The following ZNF302 variants were observed in gnomAD, a reference collection of about 807,000 sequenced individuals.
ZNF302 encodes the protein zinc finger protein 302.
A neutral mutation model predicts 10.8 loss-of-function variants in ZNF302; 12 were observed. That is an observed-to-expected ratio of 1.11 (90% CI 0.71 to 1.79). The LOEUF (loss-of-function observed/expected upper bound fraction) is 1.79, where lower values mean the gene tolerates loss of function less well. Among genes scored for constraint, ZNF302 ranks in the 40% most tolerant of loss-of-function variants. The probability of loss-of-function intolerance (pLI) is 0.00; values close to 1 mark genes in which losing one functional copy is unlikely to be tolerated. For missense variants in ZNF302, 461 were observed against 471.1 expected (o/e 0.98, Z 0.20); for synonymous variants, 178 against 157.5 (o/e 1.13, Z -0.98).
chr19:34,683,909 G>T (rs1239205516), intron 4 of ZNF302: 2 of 1,146,694 alleles, frequency 1.7e-6, no homozygotes, highest in African/African-American at 1.6e-5. Context: ...GGCACAAAAT[G>T]ATGATTTGTA....
chr19:34,684,259 A>G lies in ZNF302; in HGVS notation c.222A>G (p.Glu74=), dbSNP rs184739104. ...TTTCTTGATATATTTCAGATTGGGA[A>G]TCAAGATGGGAAAACAAGGAATTAT... is the stretch of plus-strand genomic sequence containing the variant. ...MMEKKLSKDW[E]SRWENKELST... is the part of the protein sequence containing the mutation. The change falls in exon 5 of 5, where the codon GAA becomes GAG. Residue 74 remains glutamate (E), a synonymous_variant. Transcript: ENST00000505242. The G allele has an allele frequency of 3.9e-6, 6 of 1,558,414 alleles. No homozygotes were observed. The highest frequency in any genetic ancestry group is 5.2e-6 in the Non-Finnish European group (6 of 1,160,602).
chr19:34,676,695 C>CT (rs2067963363), upstream of ZNF302: 1 of 152,176 alleles, frequency 6.6e-6, no homozygotes, highest in African/African-American at 2.4e-5. Flanking sequence ...AGAAGCACTG[C>CT]TTCACGAAGA....
Position 34,684,368 on chromosome 19 carries a change from A to T in ZNF302, c.331A>T (p.Asn111Tyr). ...KVVKQSYEFS[N>Y]SNKNLEYTEC... ...TGTAAAACAAAGTTATGAATTTTCAAATTCTAATAAGAATTTGGAATATAC... is the reference window on the plus strand; with the variant it reads ...TGTAAAACAAAGTTATGAATTTTCATATTCTAATAAGAATTTGGAATATAC... Residue 111 changes from asparagine (N) to tyrosine (Y), a missense_variant, in exon 5 of 5, where the codon AAT (asparagine) becomes TAT (tyrosine). By Grantham distance (143) the Asn-to-Tyr change is moderately radical (BLOSUM62 -2). Coordinates refer to ENST00000505242, the MANE Select transcript of ZNF302 (RefSeq NM_001289187.2). 3.1e-6 allele frequency: 5 copies of T among 1,602,202 alleles called. No individual in the cohort carries two copies. Among genetic ancestry groups the T allele is most frequent in the Non-Finnish European group, 4.3e-6 (5 of 1,176,422 alleles).
Position 34,678,431 on chromosome 19 carries a change from CA to C in ZNF302, c.-68-287del, listed in dbSNP as rs11441977. Among the ~76,000 whole-genome samples the C allele has an allele frequency of 1.2e-3, 141 of 115,226 alleles. 1 individual carries two copies. Among genetic ancestry groups the C allele is most frequent in the African/African-American group, 3.5e-3 (103 of 29,746 alleles). The allele number at this position is 115,226 out of a possible 152,430, so 75.6% of individuals were successfully genotyped here. On this transcript the variant is annotated intron_variant, in intron 1 of 4. Coordinates refer to ENST00000505242, the MANE Select transcript of ZNF302 (RefSeq NM_001289187.2). ...CTGGAGACAGAACGAGACTCCGTCT[CA>C]AAAAAAAAAAAAAAAAAATCTGGAA...
intron 2 of ZNF302, chr19:34,681,950 G>T (rs1308248024): frequency 6.6e-6 from 1 of 152,170 alleles, no homozygotes; most frequent in East Asian, 1.9e-4. Flanking sequence ...CATTTGTGCT[G>T]CTGTAACAAA....
intron 2 of ZNF302, among the ~76,000 whole-genome samples, chr19:34,680,824 C>G (rs776666641): frequency 1.1e-4 from 17 of 152,202 alleles, no homozygotes; most frequent in Admixed American, 7.8e-4. Context: ...ACTGTCAAAT[C>G]TTACTTGAGG....
In ZNF302 at chr19:34,685,081, A is replaced by C. The variant is rs780150701; in HGVS notation, c.1044A>C (p.Lys348Asn). 5 of 1,612,930 alleles carry C rather than the reference A, an allele frequency of 3.1e-6. No homozygotes were observed. In the African/African-American group the frequency reaches 6.7e-5, roughly 22 times the overall value. Reference protein sequence around the residue: ...EKPYECRECGKAFCCSSHLTQ... With the variant: ...EKPYECRECGNAFCCSSHLTQ... ...CTTATGAATGTAGAGAATGTGGGAAAGCTTTCTGCTGTAGCTCACACCTTA... is the reference window on the plus strand; with the variant it reads ...CTTATGAATGTAGAGAATGTGGGAACGCTTTCTGCTGTAGCTCACACCTTA... Residue 348 changes from lysine (K) to asparagine (N), a missense_variant, in exon 5 of 5, where the codon AAA (lysine) becomes AAC (asparagine). Transcript: ENST00000505242.
intron 2 of ZNF302, among the ~76,000 whole-genome samples, chr19:34,679,603 CCTT>C (rs1377916555): frequency 5.3e-5 from 8 of 152,304 alleles, no homozygotes; most frequent in African/African-American, 1.9e-4. Context: ...ATCCTTATCT[CCTT>C]CTGTGTTTGT....
In ZNF302 at chr19:34,684,708, C is replaced by G. The variant is rs774643964; in HGVS notation, c.671C>G (p.Thr224Arg). Residue 224 changes from threonine to arginine, a missense_variant, in exon 5 of 5, where the codon ACA becomes AGA. Physicochemically the swap from Thr to Arg is moderately conservative, Grantham distance 71. Transcript: ENST00000505242. ...SILSRHWRIH[T>R]GEKPYECREC... is the part of the protein sequence containing the mutation. ...CTCAGTCGCCACTGGAGAATTCATACAGGAGAGAAGCCCTATGAATGTCGT... is the reference window on the plus strand; with the variant it reads ...CTCAGTCGCCACTGGAGAATTCATAGAGGAGAGAAGCCCTATGAATGTCGT... The G allele has an allele frequency of 1.5e-5, 24 of 1,613,884 alleles. No homozygotes were observed. Among genetic ancestry groups the G allele is most frequent in the Non-Finnish European group, 1.9e-5 (23 of 1,179,946 alleles).
upstream of ZNF302, chr19:34,675,997 C>G (rs909921333): frequency 1.3e-5 from 2 of 152,198 alleles, no homozygotes; most frequent in Non-Finnish European, 2.9e-5. Flanking sequence ...AGCAAAAGAA[C>G]AAACATCCCA....
rs2068612901 is a variant in ZNF302, at chr19:34,685,479, A to G, written c.*242A>G. On this transcript the variant is annotated 3_prime_UTR_variant, in exon 5 of 5. Transcript: ENST00000505242. Reference sequence around the variant, plus strand: ...AGAATTCATACTGGAGAAAAGCCATATAAATGTAGTGAGTGTGGGAAAGCT... The same window carrying G: ...AGAATTCATACTGGAGAAAAGCCATGTAAATGTAGTGAGTGTGGGAAAGCT... The G allele has an allele frequency of 9.4e-6, 15 of 1,589,228 alleles. No homozygotes were observed. The highest frequency in any genetic ancestry group is 6.9e-6 in the Non-Finnish European group (8 of 1,158,042).
In ZNF302 at chr19:34,683,230, T is replaced by A; in HGVS notation, c.206T>A (p.Leu69Gln). ...GAGCCCTGGATGATGGAGAAAAAAC[T>A]GTCAAAAGGTATGATTCCACATGAG... The part of the protein sequence containing the change: ...GKEPWMMEKK[L>Q]SKDWESRWEN... Residue 69 changes from leucine to glutamine, a missense_variant, in exon 4 of 5, where the codon CTG becomes CAG. Physicochemically the swap from Leu to Gln is moderately radical, Grantham distance 113. Transcript: ENST00000505242. 1 of 1,614,054 alleles carries A rather than the reference T, an allele frequency of 6.2e-7. No homozygotes were observed. The highest frequency in any genetic ancestry group is 8.5e-7 in the Non-Finnish European group (1 of 1,179,926).
rs2068580169 is a variant in ZNF302 at position 34,684,918 on chromosome 19, T to C, written c.881T>C (p.Phe294Ser). The C allele has an allele frequency of 6.2e-7, 1 of 1,613,982 alleles. No individual in the cohort carries two copies. Residue 294 changes from phenylalanine (F) to serine (S), a missense_variant, in exon 5 of 5, where the codon TTT becomes TCT. Physicochemically the swap from Phe to Ser is radical, Grantham distance 155 (BLOSUM62 -2). Transcript: ENST00000505242. ...GAATGTATGAACTGTGGAAAGTCTT[T>C]TAGTCGTGTGTCCCTTCTCATTCAG... is the stretch of plus-strand genomic sequence containing the variant. Reference protein sequence around the residue: ...PYECMNCGKSFSRVSLLIQHL... With the variant: ...PYECMNCGKSSSRVSLLIQHL...
intron 2 of ZNF302, chr19:34,682,488 T>A (rs974876916): frequency 3.7e-6 from 1 of 269,166 alleles, no homozygotes; most frequent in African/African-American, 2.3e-5. Flanking sequence ...TGTTGATTTT[T>A]AAAAATTCAT....
chr19:34,684,930 C>G lies in ZNF302; in HGVS notation c.893C>G (p.Ser298Cys). Residue 298 changes from serine to cysteine, a missense_variant, in exon 5 of 5, where the codon TCC becomes TGC. Ser to Cys is a moderately radical substitution (Grantham distance 112). Transcript: ENST00000505242. Reference protein sequence around the residue: ...MNCGKSFSRVSLLIQHLRIHT... With the variant: ...MNCGKSFSRVCLLIQHLRIHT... ...TGTGGAAAGTCTTTTAGTCGTGTGT[C>G]CCTTCTCATTCAGCATCTAAGAATT... The G allele has an allele frequency of 6.2e-7, 1 of 1,613,952 alleles. No homozygotes were observed. The highest frequency in any genetic ancestry group is 2.2e-5 in the East Asian group (1 of 44,878).
rs1254180234 is a variant in ZNF302, at chr19:34,678,026, C to T, written c.-146C>T. ...TGTGAGAGCGAAGTGGGCGCGAGAG[C>T]AGACGCCAGCTACAGTTTTTTTTGG... is the stretch of plus-strand genomic sequence containing the variant. On this transcript the variant is annotated 5_prime_UTR_variant, in exon 1 of 5. Transcript: ENST00000505242. The T allele has an allele frequency of 1.4e-5, 2 of 142,952 alleles. No homozygotes were observed. The highest frequency in any genetic ancestry group is 1.4e-4 in the Admixed American group (2 of 14,472). 8.9% of individuals were successfully genotyped at this position (142,952 alleles called of 1,614,324 possible). A position where few individuals can be genotyped will look rare whatever the true frequency, so the allele number is the denominator to read the frequency against.
At chr19:34,683,082 T>A in intron 3 of ZNF302, 73 bp from the exon 4 acceptor site, 1 of 1,600,704 alleles carries the variant, frequency 6.2e-7, no homozygotes, top group Non-Finnish European at 8.5e-7. Flanking sequence ...TCCATTCCTG[T>A]GGTCCCTCTT....
In ZNF302 at chr19:34,685,009, T is replaced by C. The variant is rs2068587952; in HGVS notation, c.972T>C (p.His324=). 6.2e-7 allele frequency: 1 copy of C among 1,613,856 alleles called. No homozygotes were observed. The highest frequency in any genetic ancestry group is 8.5e-7 in the Non-Finnish European group (1 of 1,179,912). Residue 324 remains histidine (H), a synonymous_variant, in exon 5 of 5, where the codon CAT becomes CAC. Coordinates refer to ENST00000505242, the MANE Select transcript of ZNF302 (RefSeq NM_001289187.2). ...ECRICGKAFI[H]SSSLIHHQKS... ...GTATATGTGGAAAGGCCTTCATTCA[T>C]AGTTCGTCTCTCATTCACCATCAGA... is the stretch of plus-strand genomic sequence containing the variant.
Position 34,685,185 on chromosome 19 carries a change from T to TGA in ZNF302, c.1148_1149insGA (p.Phe383LeufsTer31). The TGA allele has an allele frequency of 6.2e-7, 1 of 1,605,880 alleles. No homozygotes were observed. The highest frequency in any genetic ancestry group is 1.1e-5 in the South Asian group (1 of 89,598). On this transcript the variant is annotated frameshift_variant, in exon 5 of 5. Coordinates refer to ENST00000505242, the MANE Select transcript of ZNF302 (RefSeq NM_001289187.2). LOFTEE classifies it high-confidence loss of function. ...CTCAAGGTCTTTAGTAGCTTCTCAT[T>TGA]TCTTGTTCAACATCAGAGTATTCAT...
Sources: allele counts gnomAD v4.1 joint callset (sites outside exome capture counted in the v4.1 genomes callset), GRCh38; gene constraint gnomAD v4.1.1; transcripts MANE v1.5; gene names NCBI Gene and HGNC (gene_info 2026-07-23, HGNC 2026-07-21).